The following AHCY variants were observed in gnomAD, a reference collection of about 807,000 sequenced individuals.
The protein encoded by AHCY is S-adenosyl-L-homocysteine hydrolase.
A neutral mutation model predicts 45.4 loss-of-function variants in AHCY; 24 were observed. The observed-to-expected ratio is 0.53, with a 90% CI of 0.38 to 0.74. The LOEUF is 0.74. Ranked by LOEUF, AHCY falls within the 30% of genes least tolerant of loss-of-function variation. The pLI is 0.00. For synonymous variants in AHCY, 245 were observed against 235.1 expected (o/e 1.04, Z -0.39); for missense variants, 449 against 594.1 (o/e 0.76, Z 2.54).
chr20:34,235,791 AAGAAAG>A, the AHCY span, among the ~76,000 whole-genome samples: 2 of 39,264 alleles, frequency 5.1e-5, no homozygotes, highest in Admixed American at 3.1e-4. Flanking sequence ...AGAAAGAAGA[AAGAAAG>A]AAAGAAAGAA....
the AHCY span, chr20:34,268,914 G>C: frequency 6.6e-7 from 1 of 1,525,958 alleles, no homozygotes; most frequent in Non-Finnish European, 8.9e-7. Context: ...TCCCTAGCCC[G>C]AGGAGCTCCC....
At chr20:34,286,595 G>A (rs964635632) in intron 8 of AHCY, 1 of 152,230 alleles carries the variant, frequency 6.6e-6, no homozygotes, top group Admixed American at 6.5e-5. Context: ...CACTTTGGGA[G>A]GCCAAGGCGG....
chr20:34,252,246 G>A, the AHCY span, among the ~76,000 whole-genome samples: 3 of 152,200 alleles, frequency 2.0e-5, no homozygotes, highest in Non-Finnish European at 4.4e-5. Context: ...TCAGTATACA[G>A]AGGACCCGCA....
At chr20:34,237,315 T>G in the AHCY span, among the ~76,000 whole-genome samples, 3 of 152,198 alleles carry the variant, frequency 2.0e-5, no homozygotes, top group Non-Finnish European at 4.4e-5. Flanking sequence ...ATCTGTAGAT[T>G]GCTTATATTT....
At chr20:34,268,732 T>TA in the AHCY span, among the ~76,000 whole-genome samples, 104 of 137,552 alleles carry the variant, frequency 7.6e-4, 2 homozygotes, top group Middle Eastern at 7.2e-3. Context: ...AAACCCTGTC[T>TA]AAAAAAAAAA....
chr20:34,276,495 G>GAGA (rs2035911436), downstream of AHCY, among the ~76,000 whole-genome samples: 1 of 152,116 alleles, frequency 6.6e-6, no homozygotes, highest in Non-Finnish European at 1.5e-5. Context: ...GGGCAAGTAT[G>GAGA]ACAACACTGA....
the AHCY span, among the ~76,000 whole-genome samples, chr20:34,264,975 C>T: frequency 0.24 from 36,888 of 151,396 alleles, 7,317 homozygotes; most frequent in African/African-American, 0.55. Context: ...TTTGTATTTT[C>T]AGTAGAGATG....
At chr20:34,288,807 G>A (rs936606168) in intron 8 of AHCY, among the ~76,000 whole-genome samples, 1 of 152,072 alleles carries the variant, frequency 6.6e-6, no homozygotes, top group Non-Finnish European at 1.5e-5. Context: ...ATGTCTTCCA[G>A]AAACATACTA....
In AHCY at chr20:34,280,746, C is replaced by A. The variant is rs575932572; in HGVS notation, c.*288G>T. On this transcript the variant is annotated 3_prime_UTR_variant, in exon 10 of 10. Coordinates refer to ENST00000217426, the MANE Select transcript of AHCY (RefSeq NM_000687.4). ...TGTGACTCCACTACTGACTTCCAGG[C>A]TAAGGAAGGACTGACTTAGTGAGCT... is the stretch of plus-strand genomic sequence containing the variant. 4.2e-6 allele frequency: 2 copies of A among 471,360 alleles called. No individual in the cohort carries two copies. The highest frequency in any genetic ancestry group is 4.2e-5 in the East Asian group (1 of 23,600). 29.2% of individuals were successfully genotyped at this position (471,360 alleles called of 1,614,324 possible).
downstream of AHCY, among the ~76,000 whole-genome samples, chr20:34,277,367 T>C (rs554997564): frequency 6.6e-5 from 10 of 152,260 alleles, no homozygotes; most frequent in Admixed American, 2.6e-4. Context: ...CTCCCTTAGT[T>C]CCAAGATCCT....
downstream of AHCY, among the ~76,000 whole-genome samples, chr20:34,277,770 A>C (rs901713629): frequency 6.6e-6 from 1 of 151,466 alleles, no homozygotes; most frequent in Non-Finnish European, 1.5e-5. Flanking sequence ...AAAAAAAAAA[A>C]AAAAAAAAAC....
At chr20:34,275,196 G>C in the AHCY span, among the ~76,000 whole-genome samples, 144 of 142,668 alleles carry the variant, frequency 1.0e-3, 1 homozygote, top group Non-Finnish European at 1.9e-3. Flanking sequence ...GCAGTGGCTT[G>C]ATCTCCGCTC....
At chr20:34,248,637 T>TA in the AHCY span, among the ~76,000 whole-genome samples, 13 of 151,888 alleles carry the variant, frequency 8.6e-5, no homozygotes, top group African/African-American at 3.1e-4. Context: ...ACCTCACCTC[T>TA]ACTAAAAAAA....
chr20:34,279,400 G>A (rs1645914232), downstream of AHCY, among the ~76,000 whole-genome samples: 2 of 150,394 alleles, frequency 1.3e-5, 1 homozygote, highest in South Asian at 4.2e-4. Context: ...TGCTGCCTGG[G>A]CAACAGAGCG....
At chr20:34,262,025 A>G in the AHCY span, among the ~76,000 whole-genome samples, 62 of 152,028 alleles carry the variant, frequency 4.1e-4, no homozygotes, top group Non-Finnish European at 1.0e-4. Flanking sequence ...AGACAGGAAA[A>G]TCACTTGAAC....
intron 4 of AHCY, 130 bp downstream of exon 4, chr20:34,292,228 G>A: frequency 7.8e-7 from 1 of 1,275,832 alleles, no homozygotes; most frequent in South Asian, 1.3e-5. Context: ...GCCAGAGCCT[G>A]CCATCCTCCC....
At chr20:34,247,448 A>T in the AHCY span, among the ~76,000 whole-genome samples, 1 of 150,546 alleles carries the variant, frequency 6.6e-6, no homozygotes, top group Non-Finnish European at 1.5e-5. Context: ...TTACAGGCAC[A>T]TGCCACCACG....
At chr20:34,243,802 C>T in the AHCY span, among the ~76,000 whole-genome samples, 1 of 150,734 alleles carries the variant, frequency 6.6e-6, no homozygotes, top group Non-Finnish European at 1.5e-5. Flanking sequence ...CGGTGGCTCA[C>T]GCCTGTAATC....
At chr20:34,251,348 G>T in the AHCY span, among the ~76,000 whole-genome samples, 1 of 151,398 alleles carries the variant, frequency 6.6e-6, no homozygotes, top group Non-Finnish European at 1.5e-5. Flanking sequence ...TCGGCTCACT[G>T]CAACCTCCAC....
Sources: gnomAD v4.1 joint callset for allele counts (sites outside exome capture counted in the v4.1 genomes callset) on GRCh38, gnomAD v4.1.1 for gene constraint, MANE v1.5 for transcripts, NCBI Gene and HGNC (gene_info 2026-07-23, HGNC 2026-07-21) for gene names.